PTGER3: variants seen among roughly 807,000 people sequenced by gnomAD.
PTGER3 encodes the protein prostaglandin E2 receptor EP3 subtype.
PTGER3 carries 22 observed loss-of-function variants against 34.7 expected under a neutral mutation model. That is an observed-to-expected ratio of 0.63 (90% CI 0.45 to 0.91). PTGER3 has a LOEUF of 0.91. PTGER3 is among the 40% of genes least tolerant of loss of function. The pLI is 0.00. For missense variants in PTGER3, 468 were observed against 519.4 expected, an observed-to-expected ratio of 0.90 and a Z score of 0.96; for synonymous variants, 241 against 230.1, an observed-to-expected ratio of 1.05 and a Z score of -0.43.
At chr1:70,863,421 T>G (rs925333167) in intron 4 of PTGER3, among the ~76,000 whole-genome samples, 1 of 152,198 alleles carries the variant, frequency 6.6e-6, no homozygotes, top group Non-Finnish European at 1.5e-5. Context: ...AGAATACAGA[T>G]GACTAATAAT....
intron 2 of PTGER3, among the ~76,000 whole-genome samples, chr1:70,979,620 C>G (rs1390055256): frequency 6.6e-6 from 1 of 152,084 alleles, no homozygotes; most frequent in African/African-American, 2.4e-5. Context: ...TTCTTACTTT[C>G]CAAAGTTTCC....
intron 4 of PTGER3, among the ~76,000 whole-genome samples, chr1:70,938,652 A>C (rs1416984115): frequency 6.6e-6 from 1 of 152,114 alleles, no homozygotes; most frequent in Non-Finnish European, 1.5e-5. Context: ...GGTGAAAGGC[A>C]CTTCTTACAT....
chr1:71,025,238 T>G (rs1251036024), intron 1 of PTGER3, among the ~76,000 whole-genome samples: 1 of 151,522 alleles, frequency 6.6e-6, no homozygotes, highest in Admixed American at 6.6e-5. Flanking sequence ...AACTAGGTGC[T>G]AATGGACTAT....
At chr1:71,031,541 G>A (rs969355966) in intron 1 of PTGER3, among the ~76,000 whole-genome samples, 10 of 152,064 alleles carry the variant, frequency 6.6e-5, no homozygotes, top group African/African-American at 2.2e-4. Context: ...ACAGCAGTCA[G>A]GCTGGCAACA....
At chr1:70,909,713 G>A (rs898626628) in intron 4 of PTGER3, among the ~76,000 whole-genome samples, 2 of 152,174 alleles carry the variant, frequency 1.3e-5, no homozygotes, top group Non-Finnish European at 2.9e-5. Context: ...ACCCAGGCCT[G>A]TCAATAGTTA....
rs757460013 is a variant in PTGER3, at chr1:71,046,721, C to G, written c.857G>C (p.Gly286Ala). 26 of 1,605,352 alleles carry G rather than the reference C, an allele frequency of 1.6e-5. No homozygotes were observed. Among genetic ancestry groups the G allele is most frequent in the Middle Eastern group, 3.3e-4 (2 of 6,020 alleles). The change falls in exon 1 of 4, where the codon GGG becomes GCG. Residue 286 changes from glycine (G) to alanine (A), a missense_variant. Gly to Ala is a moderately conservative substitution (Grantham distance 60). Transcript: ENST00000306666. ...ITTETAIQLM[G>A]IMCVLSVCWS... ...GCAGACCGACAGCACGCACATGATC[C>G]CCATAAGCTGAATGGCCGTCTCGGT...
At chr1:70,958,561 A>G (rs982112297) in intron 2 of PTGER3, among the ~76,000 whole-genome samples, 9 of 152,228 alleles carry the variant, frequency 5.9e-5, no homozygotes, top group African/African-American at 2.2e-4. Context: ...TGAGTTTTTT[A>G]TATAATCAGG....
At chr1:70,916,764 AT>A (rs1162968350) in intron 4 of PTGER3, among the ~76,000 whole-genome samples, 1 of 151,938 alleles carries the variant, frequency 6.6e-6, no homozygotes, top group Admixed American at 6.6e-5. Context: ...AAAACTACCT[AT>A]TGGGCACTAT....
At chr1:70,890,380 GA>G (rs1283802551) in intron 4 of PTGER3, among the ~76,000 whole-genome samples, 1 of 152,116 alleles carries the variant, frequency 6.6e-6, no homozygotes, top group African/African-American at 2.4e-5. Context: ...TAAGTGATGT[GA>G]AATTTGAAAT....
intron 4 of PTGER3, among the ~76,000 whole-genome samples, chr1:70,927,611 A>C (rs1648233443): frequency 6.6e-6 from 1 of 152,194 alleles, no homozygotes; most frequent in Non-Finnish European, 1.5e-5. Flanking sequence ...ATAGATCTAA[A>C]TATCATCAAC....
At chr1:70,945,124 T>C (rs922431915) in intron 4 of PTGER3, among the ~76,000 whole-genome samples, 1 of 152,128 alleles carries the variant, frequency 6.6e-6, no homozygotes, top group African/African-American at 2.4e-5. Flanking sequence ...CTTCAAAATC[T>C]TTGCTTAATT....
chr1:70,871,595 C>T (rs900966894), intron 4 of PTGER3, among the ~76,000 whole-genome samples: 1 of 151,958 alleles, frequency 6.6e-6, no homozygotes, highest in Non-Finnish European at 1.5e-5. Flanking sequence ...CACCATGGGC[C>T]CCTTGGTGAG....
rs571724316 is a variant in PTGER3, at chr1:70,945,079, T to C, written c.*23+8684A>G. The stretch of plus-strand genomic sequence containing the variant: ...TAAAGTCCTATAGTTAGCTAGTGGC[T>C]GAGGAACTATTCGAACCCACAGGGG... On this transcript the variant is annotated intron_variant, in intron 4 of 4. Transcript: ENST00000370931. Among the ~76,000 whole-genome samples, 23 of 152,300 alleles carry C rather than the reference T, an allele frequency of 1.5e-4. No individual in the cohort carries two copies. The South Asian group carries it at 4.8e-3, about 32-fold the overall frequency.
chr1:70,935,742 T>C (rs1300475003), intron 4 of PTGER3, among the ~76,000 whole-genome samples: 1 of 151,068 alleles, frequency 6.6e-6, no homozygotes, highest in African/African-American at 2.4e-5. Context: ...TGCAAAGATA[T>C]TCTCAGTGGT....
At chr1:71,038,713 A>G (rs998706969) in intron 1 of PTGER3, among the ~76,000 whole-genome samples, 1 of 152,214 alleles carries the variant, frequency 6.6e-6, no homozygotes, top group East Asian at 1.9e-4. Context: ...GGCCACAAAT[A>G]ATATTAATGT....
chr1:70,965,262 A>G (rs1406764997), intron 2 of PTGER3, among the ~76,000 whole-genome samples: 1 of 152,068 alleles, frequency 6.6e-6, no homozygotes, highest in African/African-American at 2.4e-5. Flanking sequence ...AATATTAAAG[A>G]TGTTTAAAAA....
At chr1:71,007,982 A>G in intron 2 of PTGER3, 1 of 985,234 alleles carries the variant, frequency 1.0e-6, no homozygotes, top group Non-Finnish European at 1.2e-6. Flanking sequence ...AAATTCTTCA[A>G]CAAAGCAGAC....
chr1:70,976,621 GTTT>G (rs1373123725), intron 2 of PTGER3, among the ~76,000 whole-genome samples: 9 of 152,078 alleles, frequency 5.9e-5, no homozygotes, highest in Non-Finnish European at 1.3e-4. Flanking sequence ...CCTGCATATT[GTTT>G]CCAAGGCAAA....
rs184964035 is a variant in PTGER3, at chr1:70,936,962, G to A, written c.*23+16801C>T. On this transcript the variant is annotated intron_variant, in intron 4 of 4. Coordinates refer to the PTGER3 transcript ENST00000370931. ...GGCTGAAAGCAATATTTCAGTAGGAGGGGAAGAGAATGAAGGGACAAGAGC... is the reference window on the plus strand; with the variant it reads ...GGCTGAAAGCAATATTTCAGTAGGAAGGGAAGAGAATGAAGGGACAAGAGC... Among the ~76,000 whole-genome samples the A allele has an allele frequency of 1.2e-4, 19 of 152,238 alleles. No homozygotes were observed. In the East Asian group the frequency reaches 3.7e-3, roughly 29 times the overall value.
Sources: allele counts gnomAD v4.1 joint callset (sites outside exome capture counted in the v4.1 genomes callset), GRCh38; gene constraint gnomAD v4.1.1; transcripts MANE v1.5; gene names NCBI Gene and HGNC (gene_info 2026-07-23, HGNC 2026-07-21).